Variants in CAST observed in about 807,000 individuals in gnomAD.
The protein encoded by CAST is calpastatin.
CAST carries 76 observed loss-of-function variants against 119.6 expected under a neutral mutation model. The ratio of observed to expected loss-of-function variants is 0.64; its 90% CI spans 0.53 to 0.77. CAST has a LOEUF of 0.77. Among genes scored for constraint, CAST ranks in the 30% least tolerant of loss-of-function variants. The probability of loss-of-function intolerance (pLI) is 0.00; values close to 1 mark genes in which losing one functional copy is unlikely to be tolerated. For synonymous variants in CAST, 319 were observed against 331.6 expected (o/e 0.96, Z 0.41); for missense variants, 953 against 946.5 (o/e 1.01, Z -0.09).
chr5:96,676,872 G>GTGAA (rs1393107741), intron 2 of CAST, among the ~76,000 whole-genome samples: 1 of 151,858 alleles, frequency 6.6e-6, no homozygotes, highest in African/African-American at 2.4e-5. Context: ...GGCCAACATA[G>GTGAA]TGAAACCCCT....
the CAST span, among the ~76,000 whole-genome samples, chr5:96,338,581 A>G: frequency 6.6e-6 from 1 of 152,180 alleles, no homozygotes; most frequent in Non-Finnish European, 1.5e-5. Flanking sequence ...TTGCTCTGAG[A>G]TTTAGTCTAA....
the CAST span, among the ~76,000 whole-genome samples, chr5:96,318,094 T>TA: frequency 1.3e-4 from 19 of 151,732 alleles, no homozygotes; most frequent in Middle Eastern, 3.4e-3. Flanking sequence ...CATCTGAACT[T>TA]AAAAAAAAAT....
chr5:96,433,073 A>C, the CAST span: 1 of 1,606,692 alleles, frequency 6.2e-7, no homozygotes, highest in Non-Finnish European at 8.5e-7. Flanking sequence ...CAAGAGTGGG[A>C]AGGGAAGAGG....
At chr5:96,702,211 ACT>A (rs997312824) in intron 3 of CAST, among the ~76,000 whole-genome samples, 211 of 149,422 alleles carry the variant, frequency 1.4e-3, no homozygotes, top group African/African-American at 4.7e-3. Flanking sequence ...ATTTTCTCTA[ACT>A]CTTATCATTC....
chr5:96,096,774 T>C, the CAST span, among the ~76,000 whole-genome samples: 1 of 152,120 alleles, frequency 6.6e-6, no homozygotes, highest in Non-Finnish European at 1.5e-5. Context: ...CTAGTTTTGG[T>C]TGGGTCCAGC....
At chr5:96,722,856 C>T (rs1330639664) in intron 4 of CAST, 158 bp downstream of exon 4, 5 of 639,082 alleles carry the variant, frequency 7.8e-6, no homozygotes, top group Non-Finnish European at 1.4e-5. Context: ...TCTTTGAAAA[C>T]TCAGCTTTCC....
intron 1 of CAST, among the ~76,000 whole-genome samples, chr5:96,594,374 G>A (rs1452109225): frequency 6.6e-6 from 1 of 152,196 alleles, no homozygotes; most frequent in Non-Finnish European, 1.5e-5. Context: ...ATGTCAAGAT[G>A]TAAACAGAAA....
the CAST span, among the ~76,000 whole-genome samples, chr5:96,025,336 C>T: frequency 7.2e-5 from 11 of 152,208 alleles, no homozygotes; most frequent in African/African-American, 2.6e-4. Context: ...GGAGAGGATG[C>T]AAGTCCTTTC....
intron 1 of CAST, among the ~76,000 whole-genome samples, chr5:96,619,655 A>G (rs577299139): frequency 6.6e-6 from 1 of 152,316 alleles, no homozygotes; most frequent in South Asian, 2.1e-4. Context: ...TCCTGAAGCC[A>G]GCGAGACCAC....
chr5:96,557,915 C>A (rs1374115430), intron 1 of CAST, among the ~76,000 whole-genome samples: 1 of 152,170 alleles, frequency 6.6e-6, no homozygotes, highest in Non-Finnish European at 1.5e-5. Flanking sequence ...CTTTTCAGCA[C>A]CACACCACAC....
At chr5:96,743,680 G>A (rs1332808142) in intron 16 of CAST, 1 of 1,613,464 alleles carries the variant, frequency 6.2e-7, no homozygotes. Flanking sequence ...CCACAGTGTG[G>A]CACGATAAGC....
chr5:96,190,701 T>A, the CAST span, among the ~76,000 whole-genome samples: 1 of 152,206 alleles, frequency 6.6e-6, no homozygotes, highest in Non-Finnish European at 1.5e-5. Context: ...TAATCCTTCA[T>A]AGGTTTATTA....
At chr5:96,283,871 C>A in the CAST span, among the ~76,000 whole-genome samples, 1 of 152,220 alleles carries the variant, frequency 6.6e-6, no homozygotes. Flanking sequence ...AGGTCAGGTT[C>A]AGACAGGATT....
the CAST span, chr5:96,397,531 C>CA: frequency 7.0e-7 from 1 of 1,420,938 alleles, no homozygotes; most frequent in Non-Finnish European, 9.9e-7. Context: ...TACACTCTAG[C>CA]ATCTGATAAC....
chr5:96,109,059 G>A, the CAST span, among the ~76,000 whole-genome samples: 5 of 152,358 alleles, frequency 3.3e-5, no homozygotes, highest in East Asian at 9.6e-4. Context: ...TTCTGAGTGA[G>A]GCAATGCCTC....
chr5:96,524,775 C>T (rs1179863096), upstream of CAST, among the ~76,000 whole-genome samples: 3 of 152,148 alleles, frequency 2.0e-5, no homozygotes, highest in Admixed American at 2.0e-4. Context: ...TATTTCCCAC[C>T]ACCACAGGCA....
chr5:96,497,215 A>G, the CAST span, among the ~76,000 whole-genome samples: 1 of 152,022 alleles, frequency 6.6e-6, no homozygotes, highest in Non-Finnish European at 1.5e-5. Flanking sequence ...GCTACATAGT[A>G]TTCCATGGTG....
At chr5:96,665,188 A>G (rs58728530) in intron 1 of CAST, among the ~76,000 whole-genome samples, 4,812 of 152,268 alleles carry the variant, frequency 0.032, 257 homozygotes, top group African/African-American at 0.11. Context: ...AACCAGTGCT[A>G]TTCAATAGAA....
chr5:96,506,401 C>A, the CAST span, among the ~76,000 whole-genome samples: 1 of 152,172 alleles, frequency 6.6e-6, no homozygotes, highest in African/African-American at 2.4e-5. Context: ...ACAATCAAAC[C>A]TATAATCCCT....
Sources: allele counts gnomAD v4.1 joint callset (sites outside exome capture counted in the v4.1 genomes callset), GRCh38; gene constraint gnomAD v4.1.1; transcripts MANE v1.5; gene names NCBI Gene and HGNC (gene_info 2026-07-23, HGNC 2026-07-21).